Variants in DLG5 observed in about 807,000 individuals in gnomAD.
DLG5 encodes discs large MAGUK scaffold protein 5.
Under a neutral mutation model 189.8 loss-of-function variants are expected in DLG5, and 48 were observed. The observed-to-expected ratio is 0.25, with a 90% CI of 0.20 to 0.32. DLG5 has a LOEUF of 0.32. DLG5 is among the 10% of genes least tolerant of loss of function. The pLI is 1.00. For missense variants in DLG5, 2,160 were observed against 2,544.7 expected, an observed-to-expected ratio of 0.85 and a Z score of 3.25; for synonymous variants, 1,016 against 1,054.1, an observed-to-expected ratio of 0.96 and a Z score of 0.70.
intron 1 of DLG5, among the ~76,000 whole-genome samples, chr10:77,905,597 T>C (rs1339281158): frequency 2.6e-5 from 4 of 152,190 alleles, no homozygotes; most frequent in Non-Finnish European, 5.9e-5. Context: ...TTAACAGCTA[T>C]GTAACAGCAT....
In DLG5 at chr10:77,924,084, C is replaced by T. The variant is rs1255440027; in HGVS notation, c.304+2133G>A. ...TTCACCATGTTGGCCAGGCTGGTCT[C>T]GAACTCCTGGCCTTAAGAGATCTGC... On this transcript the variant is annotated intron_variant, in intron 1 of 31. Transcript: ENST00000372391. Among the ~76,000 whole-genome samples, 10 of 152,226 alleles carry T rather than the reference C, an allele frequency of 6.6e-5. No homozygotes were observed. The South Asian group carries it at 1.0e-3, about 16-fold the overall frequency.
chr10:77,820,057 G>A (rs1378676253), intron 15 of DLG5, 39 bp from the exon 16 acceptor site: 1 of 1,609,504 alleles, frequency 6.2e-7, no homozygotes, highest in Non-Finnish European at 8.5e-7. Flanking sequence ...TAGAAAGAGT[G>A]GAGTGTGGCC....
At chr10:77,903,688 A>G (rs1845996553) in intron 1 of DLG5, among the ~76,000 whole-genome samples, 2 of 152,100 alleles carry the variant, frequency 1.3e-5, no homozygotes, top group South Asian at 4.1e-4. Context: ...TATATGAAAC[A>G]TAAATGAATT....
In DLG5 at chr10:77,856,878, C is replaced by G; in HGVS notation, c.388G>C (p.Ala130Pro). ...GTGAGGAGGGGTGGTGGGGACGGCG[C>G]CTTCCCGGTAGTGCCTGTGGAAGGG... ...SLSSVGTTGK[A>P]PSPPPLLTDQ... Residue 130 changes from alanine (A) to proline (P), a missense_variant, in exon 3 of 32, where the codon GCG (alanine) becomes CCG (proline). Ala to Pro is a conservative substitution (Grantham distance 27). Transcript: ENST00000372391. 6.2e-7 allele frequency: 1 copy of G among 1,611,372 alleles called. No homozygotes were observed. The highest frequency in any genetic ancestry group is 8.5e-7 in the Non-Finnish European group (1 of 1,179,546).
At chr10:77,854,025 A>G (rs999688122) in intron 4 of DLG5, among the ~76,000 whole-genome samples, 1 of 152,238 alleles carries the variant, frequency 6.6e-6, no homozygotes, top group Non-Finnish European at 1.5e-5. Context: ...TGGCAATAAG[A>G]TGTGAAGGAT....
At chr10:77,832,015 C>G (rs1369854635) in intron 9 of DLG5, among the ~76,000 whole-genome samples, 1 of 152,150 alleles carries the variant, frequency 6.6e-6, no homozygotes, top group Non-Finnish European at 1.5e-5. Flanking sequence ...CAAGACCAGC[C>G]TGGCCAACAT....
At chr10:77,854,755 G>A (rs1251247932) in intron 3 of DLG5, among the ~76,000 whole-genome samples, 2 of 152,128 alleles carry the variant, frequency 1.3e-5, no homozygotes, top group Non-Finnish European at 2.9e-5. Flanking sequence ...GGAGGCTGAG[G>A]CAGGTGGATC....
chr10:77,867,369 G>A (rs371810483), intron 2 of DLG5, among the ~76,000 whole-genome samples: 1 of 152,150 alleles, frequency 6.6e-6, no homozygotes, highest in East Asian at 1.9e-4. Context: ...ATTGGTGAAG[G>A]GTGAAAAACT....
At chr10:77,872,155 C>T (rs1361340547) in intron 1 of DLG5, among the ~76,000 whole-genome samples, 1 of 152,196 alleles carries the variant, frequency 6.6e-6, no homozygotes, top group Non-Finnish European at 1.5e-5. Context: ...CAACCCATCC[C>T]AGCTTACGAC....
chr10:77,889,411 T>TG, intron 1 of DLG5: 1 of 152,718 alleles, frequency 6.5e-6, no homozygotes, highest in African/African-American at 2.4e-5. Flanking sequence ...CCAAAAACTC[T>TG]GGGTATCCAG....
At chr10:77,823,161 T>C (rs1271818776) in intron 14 of DLG5, among the ~76,000 whole-genome samples, 1 of 151,612 alleles carries the variant, frequency 6.6e-6, no homozygotes, top group Non-Finnish European at 1.5e-5. Flanking sequence ...GGGACAGGAG[T>C]GGGGATGGTG....
At chr10:77,870,701 A>G (rs991956476) in intron 1 of DLG5, among the ~76,000 whole-genome samples, 4 of 151,868 alleles carry the variant, frequency 2.6e-5, no homozygotes, top group Non-Finnish European at 4.4e-5. Flanking sequence ...AAAAAACAAA[A>G]AACACTCTTC....
chr10:77,807,332 T>C (rs1476934656), intron 25 of DLG5, among the ~76,000 whole-genome samples: 1 of 152,212 alleles, frequency 6.6e-6, no homozygotes, highest in Non-Finnish European at 1.5e-5. Flanking sequence ...AGTGTTCTCA[T>C]GCTTTCTGTG....
chr10:77,878,651 C>T (rs893492289), intron 1 of DLG5, among the ~76,000 whole-genome samples: 24 of 152,216 alleles, frequency 1.6e-4, no homozygotes, highest in African/African-American at 5.5e-4. Flanking sequence ...TGTCGCCTCT[C>T]AATACCTGAA....
intron 2 of DLG5, among the ~76,000 whole-genome samples, chr10:77,857,717 G>A (rs1355612774): frequency 4.6e-5 from 7 of 152,198 alleles, no homozygotes; most frequent in African/African-American, 1.4e-4. Flanking sequence ...CTCATCCCAG[G>A]AGAAGAGACT....
rs560346172 is a variant in DLG5 at position 77,923,780 on chromosome 10, C to T, written c.304+2437G>A. Among the ~76,000 whole-genome samples the T allele has an allele frequency of 5.3e-5, 8 of 152,306 alleles. No homozygotes were observed. In the South Asian group the frequency reaches 1.7e-3, roughly 32 times the overall value. On this transcript the variant is annotated intron_variant, in intron 1 of 31. Transcript: ENST00000372391. ...CTCAAAAAAACAAAAGCCCCCAACA[C>T]GCCACTGTTTGCTGACACACCATGT...
intron 5 of DLG5, among the ~76,000 whole-genome samples, chr10:77,851,467 A>G (rs950440163): frequency 1.3e-5 from 2 of 152,166 alleles, no homozygotes; most frequent in African/African-American, 4.8e-5. Flanking sequence ...GCATGTTGTC[A>G]CAGCTTCTCT....
intron 15 of DLG5, chr10:77,820,793 G>A: frequency 2.2e-6 from 1 of 448,924 alleles, no homozygotes. Context: ...GCAAGTCTAT[G>A]CCCTAGGTTT....
chr10:77,817,221 G>A, intron 18 of DLG5, 125 bp from the exon 19 acceptor site: 1 of 867,138 alleles, frequency 1.2e-6, no homozygotes, highest in Non-Finnish European at 1.9e-6. Context: ...TATTCCCAAG[G>A]GAGCCTTGAT....
Sources: gnomAD v4.1 joint callset for allele counts (sites outside exome capture counted in the v4.1 genomes callset) on GRCh38, gnomAD v4.1.1 for gene constraint, MANE v1.5 for transcripts, NCBI Gene and HGNC (gene_info 2026-07-23, HGNC 2026-07-21) for gene names.